Variants in RNGTT observed in about 807,000 individuals in gnomAD.
RNGTT encodes the protein mRNA-capping enzyme.
In RNGTT, 33 loss-of-function variants were observed where a neutral mutation model predicts 79.3. The ratio of observed to expected loss-of-function variants is 0.42; its 90% CI spans 0.32 to 0.56. RNGTT has a LOEUF of 0.56. Among genes scored for constraint, RNGTT ranks in the 20% least tolerant of loss-of-function variants. RNGTT has a pLI of 0.17. For synonymous variants in RNGTT, 222 were observed against 235.9 expected (o/e 0.94, Z 0.54); for missense variants, 497 against 739.1 (o/e 0.67, Z 3.80).
intron 12 of RNGTT, among the ~76,000 whole-genome samples, chr6:88,791,942 T>C (rs1779436653): frequency 6.6e-6 from 1 of 152,214 alleles, no homozygotes; most frequent in African/African-American, 2.4e-5. Context: ...GGAAACTTTA[T>C]AACAAATGGT....
intron 14 of RNGTT, among the ~76,000 whole-genome samples, chr6:88,617,848 G>C (rs1772289991): frequency 6.7e-6 from 1 of 148,666 alleles, no homozygotes; most frequent in Admixed American, 6.7e-5. Flanking sequence ...ATTTCTTTCA[G>C]CAAGAAACAC....
At chr6:88,892,802 G>A (rs1334479999) in intron 6 of RNGTT, among the ~76,000 whole-genome samples, 2 of 151,984 alleles carry the variant, frequency 1.3e-5, no homozygotes, top group East Asian at 1.9e-4. Flanking sequence ...CAACCTTCTG[G>A]CAAAGACCTG....
chr6:88,657,913 A>C (rs1488354200), intron 14 of RNGTT, among the ~76,000 whole-genome samples: 1 of 152,180 alleles, frequency 6.6e-6, no homozygotes, highest in African/African-American at 2.4e-5. Flanking sequence ...GCCCTGCTCA[A>C]GGAGAGTCTG....
intron 13 of RNGTT, among the ~76,000 whole-genome samples, chr6:88,715,091 T>A (rs1170065402): frequency 1.3e-5 from 2 of 152,194 alleles, no homozygotes; most frequent in Non-Finnish European, 2.9e-5. Flanking sequence ...AAAATCTCCT[T>A]AAGCTGACAG....
chr6:88,843,770 C>G (rs1012507633), intron 11 of RNGTT, among the ~76,000 whole-genome samples: 1 of 151,120 alleles, frequency 6.6e-6, no homozygotes, highest in Non-Finnish European at 1.5e-5. Context: ...ATTGGCCAGG[C>G]TGGTCTTGAG....
At chr6:88,768,139 A>AGT (rs71021394) in intron 13 of RNGTT, among the ~76,000 whole-genome samples, 2,775 of 148,874 alleles carry the variant, frequency 0.019, 44 homozygotes, top group African/African-American at 0.04. Flanking sequence ...ATTTAGGGAT[A>AGT]GTGTGTGTGT....
At chr6:88,701,826 T>C (rs1460963549) in intron 13 of RNGTT, among the ~76,000 whole-genome samples, 2 of 139,670 alleles carry the variant, frequency 1.4e-5, no homozygotes, top group African/African-American at 6.5e-5. Flanking sequence ...TCTCATGCTG[T>C]AGAGACATTG....
intron 13 of RNGTT, among the ~76,000 whole-genome samples, chr6:88,751,539 T>C (rs1032828481): frequency 3.9e-5 from 6 of 152,122 alleles, no homozygotes; most frequent in Non-Finnish European, 8.8e-5. Context: ...TGGACTTCAT[T>C]TGATGACTGA....
intron 10 of RNGTT, 152 bp downstream of exon 10, chr6:88,849,603 G>A (rs1461864441): frequency 5.8e-6 from 3 of 518,088 alleles, no homozygotes; most frequent in African/African-American, 2.0e-5. Context: ...AAGAAAAGGA[G>A]ATATAAAAGG....
intron 13 of RNGTT, among the ~76,000 whole-genome samples, chr6:88,749,021 G>A (rs946473981): frequency 2.0e-5 from 3 of 151,980 alleles, no homozygotes; most frequent in African/African-American, 4.8e-5. Flanking sequence ...CTGATTTGTC[G>A]ACAGCAACAA....
chr6:88,929,316 G>A lies in RNGTT; in HGVS notation c.175-49C>T, dbSNP rs571105819. ...GGCAAATTTACTAGTAACTTAATTT[G>A]TTCCCAAATAAGTAGACTAAATGGC... On this transcript the variant is annotated intron_variant, in intron 2 of 15. Coordinates refer to ENST00000369485, the MANE Select transcript of RNGTT (RefSeq NM_003800.5). 3.4e-5 allele frequency: 41 copies of A among 1,192,782 alleles called. No homozygotes were observed. The African/African-American group carries it at 6.0e-4, about 18-fold the overall frequency. 73.9% of individuals were successfully genotyped at this position (1,192,782 alleles called of 1,614,324 possible).
At chr6:88,655,830 AT>A (rs60138176) in intron 14 of RNGTT, among the ~76,000 whole-genome samples, 40,532 of 152,008 alleles carry the variant, frequency 0.27, 9,471 homozygotes, top group African/African-American at 0.63. Flanking sequence ...GTGTCTCTCC[AT>A]TAACAACCCT....
chr6:88,826,918 C>T (rs1313269596), intron 11 of RNGTT, among the ~76,000 whole-genome samples: 2 of 148,290 alleles, frequency 1.3e-5, no homozygotes, highest in South Asian at 2.1e-4. Flanking sequence ...AACTAAATAC[C>T]TCCATCATTT....
intron 11 of RNGTT, among the ~76,000 whole-genome samples, chr6:88,813,422 A>G (rs1418294240): frequency 6.6e-6 from 1 of 152,202 alleles, no homozygotes; most frequent in Non-Finnish European, 1.5e-5. Context: ...TTACTGCCTT[A>G]AAGTCAGCAC....
chr6:88,621,684 C>T (rs9451032), intron 14 of RNGTT, among the ~76,000 whole-genome samples: 4,789 of 151,774 alleles, frequency 0.032, 258 homozygotes, highest in African/African-American at 0.11. Context: ...AAAAAGTATG[C>T]GAGGCCATTA....
chr6:88,822,627 A>G (rs533460159), intron 11 of RNGTT, among the ~76,000 whole-genome samples: 9 of 152,304 alleles, frequency 5.9e-5, no homozygotes, highest in African/African-American at 2.2e-4. Flanking sequence ...TTCTCCATCT[A>G]CTGTCAACTA....
At chr6:88,877,346 T>C (rs1782549274) in intron 8 of RNGTT, among the ~76,000 whole-genome samples, 1 of 152,172 alleles carries the variant, frequency 6.6e-6, no homozygotes, top group African/African-American at 2.4e-5. Flanking sequence ...AAATACTACT[T>C]TGAATTGGGT....
chr6:88,803,364 A>T (rs1268593092), intron 11 of RNGTT, among the ~76,000 whole-genome samples: 1 of 151,984 alleles, frequency 6.6e-6, no homozygotes, highest in East Asian at 1.9e-4. Context: ...TCATGAGGTC[A>T]GGAGTTCAAG....
intron 14 of RNGTT, among the ~76,000 whole-genome samples, chr6:88,671,360 C>CAAATA (rs1774632193): frequency 6.6e-6 from 1 of 152,008 alleles, no homozygotes; most frequent in South Asian, 2.1e-4. Context: ...AAAACAGCTG[C>CAAATA]AAATAAAATA....
Sources: allele counts gnomAD v4.1 joint callset (sites outside exome capture counted in the v4.1 genomes callset), GRCh38; gene constraint gnomAD v4.1.1; transcripts MANE v1.5; gene names NCBI Gene and HGNC (gene_info 2026-07-23, HGNC 2026-07-21).